The following FTCDNL1 variants were observed in gnomAD, a reference collection of about 807,000 sequenced individuals.
FTCDNL1 encodes the protein formiminotransferase cyclodeaminase N-terminal like, also known as formiminotransferase N-terminal subdomain-containing protein.
Under a neutral mutation model 5.9 loss-of-function variants are expected in FTCDNL1, and 11 were observed. The observed-to-expected ratio is 1.87, with a 90% confidence interval of 1.18 to 3.10. The LOEUF is 3.10. Among genes scored for constraint, FTCDNL1 ranks in the 30% most tolerant of loss-of-function variants. The pLI, the probability that FTCDNL1 is intolerant of heterozygous loss-of-function variation, is 0.00. For synonymous variants in FTCDNL1, 58 were observed against 24.8 expected (o/e 2.34, Z -3.99); for missense variants, 115 against 65.5 (o/e 1.76, Z -2.61).
the FTCDNL1 span, among the ~76,000 whole-genome samples, chr2:199,680,104 C>T: frequency 1.1e-4 from 16 of 151,910 alleles, no homozygotes; most frequent in African/African-American, 3.9e-4. Context: ...ATAGATGGAC[C>T]AGATGACATT....
At chr2:199,706,696 T>C in the FTCDNL1 span, among the ~76,000 whole-genome samples, 1 of 152,192 alleles carries the variant, frequency 6.6e-6, no homozygotes, top group African/African-American at 2.4e-5. Context: ...CTTTGGGCCA[T>C]GTCTCCTTCC....
the FTCDNL1 span, among the ~76,000 whole-genome samples, chr2:199,718,173 G>T: frequency 6.6e-6 from 1 of 151,972 alleles, no homozygotes; most frequent in African/African-American, 2.4e-5. Flanking sequence ...CCCAAATAGT[G>T]TACATTGTAC....
chr2:199,811,157 C>T lies in FTCDNL1; in HGVS notation c.*1548G>A, dbSNP rs1351734070. Reference sequence around the variant, plus strand: ...GCTGATTTCATAAAAATTAAATTTCCTAACAGTCAATACATCTCTCTCTCA... The same window carrying T: ...GCTGATTTCATAAAAATTAAATTTCTTAACAGTCAATACATCTCTCTCTCA... On this transcript the variant is annotated 3_prime_UTR_variant, in exon 5 of 5. Coordinates refer to ENST00000420128, the MANE Select transcript of FTCDNL1 (RefSeq NM_001363886.2). 6.6e-6 allele frequency among the ~76,000 whole-genome samples: 1 copy of T among 152,142 alleles called. No individual in the cohort carries two copies. Among genetic ancestry groups the T allele is most frequent in the Non-Finnish European group, 1.5e-5 (1 of 68,036 alleles).
At chr2:199,826,433 G>GA (rs200950878) in intron 3 of FTCDNL1, among the ~76,000 whole-genome samples, 24,798 of 81,282 alleles carry the variant, frequency 0.31, 2,449 homozygotes, top group Admixed American at 0.43. Context: ...GGAAAAGAAA[G>GA]AAAAAAAAAA....
chr2:199,676,361 A>T, the FTCDNL1 span, among the ~76,000 whole-genome samples: 1 of 152,118 alleles, frequency 6.6e-6, no homozygotes, highest in Non-Finnish European at 1.5e-5. Context: ...ATATCAATAG[A>T]TTCCATTTTT....
chr2:199,704,752 G>C, the FTCDNL1 span, among the ~76,000 whole-genome samples: 1 of 151,994 alleles, frequency 6.6e-6, no homozygotes, highest in Admixed American at 6.6e-5. Context: ...CTCACACACA[G>C]CCAATCAGCA....
At position 199,809,540 on chromosome 2, in the gene FTCDNL1, C is replaced by T. The variant is rs1700914283; in HGVS notation, c.*3165G>A. Among the ~76,000 whole-genome samples, 1 of 152,094 alleles carries T rather than the reference C, an allele frequency of 6.6e-6. No individual in the cohort carries two copies. Among genetic ancestry groups the T allele is most frequent in the African/African-American group, 2.4e-5 (1 of 41,422 alleles). On this transcript the variant is annotated 3_prime_UTR_variant, in exon 5 of 5. Transcript: ENST00000420128. Reference sequence around the variant, plus strand: ...ATCTGATACTAGAACAATATAAATACTAAGGATTTAATTAAAATTGCCATC... The same window carrying T: ...ATCTGATACTAGAACAATATAAATATTAAGGATTTAATTAAAATTGCCATC...
At chr2:199,827,974 T>C (rs1702134168) in intron 3 of FTCDNL1, among the ~76,000 whole-genome samples, 2 of 152,162 alleles carry the variant, frequency 1.3e-5, no homozygotes, top group African/African-American at 4.8e-5. Context: ...AAATGAAATA[T>C]TACATTATTC....
the FTCDNL1 span, among the ~76,000 whole-genome samples, chr2:199,734,287 TA>T: frequency 6.6e-6 from 1 of 152,224 alleles, no homozygotes; most frequent in African/African-American, 2.4e-5. Context: ...CATTTTGCTT[TA>T]TACAACATAC....
At chr2:199,745,272 C>T in the FTCDNL1 span, among the ~76,000 whole-genome samples, 1 of 152,226 alleles carries the variant, frequency 6.6e-6, no homozygotes, top group African/African-American at 2.4e-5. Context: ...AGCAAAAATC[C>T]CTATCTTCAT....
chr2:199,783,473 A>G (rs1433331857), intron 3 of FTCDNL1, among the ~76,000 whole-genome samples: 1 of 152,170 alleles, frequency 6.6e-6, no homozygotes, highest in South Asian at 2.1e-4. Context: ...TAATATTTCA[A>G]CGTTACATGG....
intron 3 of FTCDNL1, among the ~76,000 whole-genome samples, chr2:199,772,997 TG>T: frequency 6.6e-6 from 1 of 152,318 alleles, no homozygotes; most frequent in Non-Finnish European, 1.5e-5. Flanking sequence ...TAACCTGTTT[TG>T]TTTGTTTGTG....
At chr2:199,760,213 AAAAAAAC>A (rs1027995012), downstream of FTCDNL1, among the ~76,000 whole-genome samples, 7 of 145,754 alleles carry the variant, frequency 4.8e-5, no homozygotes, top group Admixed American at 2.1e-4. Flanking sequence ...AACTAAAAAA[AAAAAAAC>A]AAAAAACTCT....
At chr2:199,686,288 G>T in the FTCDNL1 span, among the ~76,000 whole-genome samples, 1 of 152,208 alleles carries the variant, frequency 6.6e-6, no homozygotes, top group Admixed American at 6.5e-5. Context: ...CTGGAGTGCA[G>T]TTGGGCTTTG....
At chr2:199,669,499 C>T in the FTCDNL1 span, among the ~76,000 whole-genome samples, 1 of 152,116 alleles carries the variant, frequency 6.6e-6, no homozygotes. Flanking sequence ...CTCAATAAGT[C>T]CTTGCTAATT....
the FTCDNL1 span, among the ~76,000 whole-genome samples, chr2:199,751,761 GTAAT>G: frequency 6.6e-6 from 1 of 151,070 alleles, no homozygotes; most frequent in African/African-American, 2.4e-5. Flanking sequence ...CAGGGCCATG[GTAAT>G]TAATTTTGCT....
At position 199,809,384 on chromosome 2, in the gene FTCDNL1, C is replaced by G. The variant is rs1331700745; in HGVS notation, c.*3321G>C. Among the ~76,000 whole-genome samples, 1 of 151,962 alleles carries G rather than the reference C, an allele frequency of 6.6e-6. No homozygotes were observed. Among genetic ancestry groups the G allele is most frequent in the Non-Finnish European group, 1.5e-5 (1 of 67,998 alleles). ...GGGATTACAGGAATGAGCCACCACACCCAGCCAAACTCTTTATTTTTAATT... is the reference window on the plus strand; with the variant it reads ...GGGATTACAGGAATGAGCCACCACAGCCAGCCAAACTCTTTATTTTTAATT... On this transcript the variant is annotated 3_prime_UTR_variant, in exon 5 of 5. Transcript: ENST00000420128.
chr2:199,756,689 G>A (rs948810166), downstream of FTCDNL1, among the ~76,000 whole-genome samples: 1 of 152,104 alleles, frequency 6.6e-6, no homozygotes, highest in South Asian at 2.1e-4. Flanking sequence ...AGGTTGTATC[G>A]GTCACAACAG....
chr2:199,776,626 A>G (rs1699084691), intron 3 of FTCDNL1, among the ~76,000 whole-genome samples: 1 of 152,192 alleles, frequency 6.6e-6, no homozygotes, highest in South Asian at 2.1e-4. Context: ...GTGCAAGGGA[A>G]GGTTGGCAGA....
Sources: allele counts gnomAD v4.1 joint callset (sites outside exome capture counted in the v4.1 genomes callset), GRCh38; gene constraint gnomAD v4.1.1; transcripts MANE v1.5; gene names NCBI Gene and HGNC (gene_info 2026-07-23, HGNC 2026-07-21).